NCKAP5: variants seen among roughly 807,000 people sequenced by gnomAD.
NCKAP5 encodes the protein nck-associated protein 5.
A neutral mutation model predicts 167.0 loss-of-function variants in NCKAP5; 92 were observed. The observed-to-expected ratio is 0.55, with a 90% CI of 0.47 to 0.66. The LOEUF (loss-of-function observed/expected upper bound fraction) is 0.66, where lower values mean the gene tolerates loss of function less well. NCKAP5 is among the 30% of genes least tolerant of loss of function. NCKAP5 has a pLI of 0.00. For synonymous variants in NCKAP5, 891 were observed against 877.4 expected (o/e 1.02, Z -0.27); for missense variants, 2,378 against 2,315.0 (o/e 1.03, Z -0.56).
Position 132,784,201 on chromosome 2 carries a change from G to A in NCKAP5, c.2610C>T (p.Ala870=). 6.4e-7 allele frequency: 1 copy of A among 1,565,578 alleles called. No individual in the cohort carries two copies. Among genetic ancestry groups the A allele is most frequent in the South Asian group, 1.2e-5 (1 of 81,712 alleles). The change falls in exon 14 of 20, where the codon GCC becomes GCT. Residue 870 remains alanine, a synonymous_variant. Coordinates refer to ENST00000409261, the MANE Select transcript of NCKAP5 (RefSeq NM_207363.3). The part of the protein sequence containing the change: ...RSDPHIPKHS[A]QLPHSSRMPS... Reference sequence around the variant, plus strand: ...GCATCCTGGAGCTGTGCGGAAGTTGGGCGGAATGTTTTGGAATGTGTGGAT... The same window carrying A: ...GCATCCTGGAGCTGTGCGGAAGTTGAGCGGAATGTTTTGGAATGTGTGGAT...
intron 6 of NCKAP5, among the ~76,000 whole-genome samples, chr2:133,040,585 A>G (rs1405825403): frequency 6.6e-6 from 1 of 152,116 alleles, no homozygotes; most frequent in Non-Finnish European, 1.5e-5. Context: ...TTATATAGGT[A>G]TACAGTTATA....
intron 3 of NCKAP5, among the ~76,000 whole-genome samples, chr2:133,500,285 C>T (rs1472601998): frequency 6.6e-6 from 1 of 152,182 alleles, no homozygotes; most frequent in Non-Finnish European, 1.5e-5. Context: ...AGAAAGTCTA[C>T]CTCAAATCTG....
chr2:133,624,201 C>T, the NCKAP5 span, among the ~76,000 whole-genome samples: 20,194 of 151,952 alleles, frequency 0.13, 1,873 homozygotes, highest in African/African-American at 0.26. Context: ...GGGTGATGGG[C>T]GCACCAAAAT....
intron 3 of NCKAP5, among the ~76,000 whole-genome samples, chr2:133,415,143 C>T (rs2151072441): frequency 6.6e-6 from 1 of 152,332 alleles, no homozygotes; most frequent in South Asian, 2.1e-4. Flanking sequence ...GATGCTGCCT[C>T]AGTTCACACT....
chr2:133,203,621 C>T (rs2085806664), intron 5 of NCKAP5, among the ~76,000 whole-genome samples: 1 of 151,988 alleles, frequency 6.6e-6, no homozygotes, highest in South Asian at 2.1e-4. Context: ...CTCCATGTTT[C>T]CTGGAAGAAT....
At chr2:132,948,890 C>T (rs1170150450) in intron 8 of NCKAP5, among the ~76,000 whole-genome samples, 2 of 152,030 alleles carry the variant, frequency 1.3e-5, no homozygotes, top group Admixed American at 6.6e-5. Flanking sequence ...TGGTGTTTGG[C>T]TGATTCACTA....
chr2:133,524,978 G>A (rs1161022237), intron 2 of NCKAP5, among the ~76,000 whole-genome samples: 3 of 152,104 alleles, frequency 2.0e-5, no homozygotes, highest in Non-Finnish European at 1.5e-5. Context: ...GAGTGTATGT[G>A]TGCATGTGTG....
intron 5 of NCKAP5, among the ~76,000 whole-genome samples, chr2:133,137,403 G>C (rs1000353067): frequency 8.5e-6 from 1 of 117,296 alleles, no homozygotes; most frequent in Admixed American, 8.5e-5. Context: ...GCAGAGCTTG[G>C]TTTTGTGTGT....
intron 10 of NCKAP5, among the ~76,000 whole-genome samples, chr2:132,866,373 A>G (rs773915493): frequency 6.6e-6 from 1 of 152,160 alleles, no homozygotes; most frequent in African/African-American, 2.4e-5. Context: ...TTTAATTCGC[A>G]CTTGTAGACT....
At position 133,149,500 on chromosome 2, in the gene NCKAP5, G is replaced by A. The variant is rs150790057; in HGVS notation, c.208-19389C>T. The stretch of plus-strand genomic sequence containing the variant: ...TCTACTGAGAGCCTCTCATTTGCTC[G>A]TCAAATTGCGCATAACATGCAGGCA... On this transcript the variant is annotated intron_variant, in intron 5 of 19. Transcript: ENST00000409261. Among the ~76,000 whole-genome samples the A allele has an allele frequency of 5.8e-3, 843 of 144,238 alleles. 10 individuals carry two copies. The highest frequency in any genetic ancestry group is 0.021 in the African/African-American group (808 of 38,462). The allele number at this position is 144,238 out of a possible 152,430, so 94.6% of individuals were successfully genotyped here.
intron 8 of NCKAP5, among the ~76,000 whole-genome samples, chr2:132,933,791 G>C (rs1334216515): frequency 3.9e-5 from 6 of 152,098 alleles, no homozygotes; most frequent in African/African-American, 1.4e-4. Flanking sequence ...ATTGTACTGA[G>C]AAGCCAGGAA....
At chr2:132,688,522 C>A (rs1391966974) in intron 19 of NCKAP5, among the ~76,000 whole-genome samples, 1 of 152,082 alleles carries the variant, frequency 6.6e-6, no homozygotes, top group Admixed American at 6.6e-5. Flanking sequence ...TAAAGATAAT[C>A]CTCCAAATTC....
intron 3 of NCKAP5, among the ~76,000 whole-genome samples, chr2:133,475,785 G>A (rs563526238): frequency 6.9e-4 from 105 of 152,262 alleles, no homozygotes; most frequent in Middle Eastern, 3.4e-3. Flanking sequence ...TCTTTCAAGA[G>A]AAAAATGATG....
Position 132,782,882 on chromosome 2 carries a change from T to C in NCKAP5, c.3929A>G (p.Asn1310Ser), listed in dbSNP as rs538437785. Residue 1310 changes from asparagine to serine, a missense_variant, in exon 14 of 20, where the codon AAT becomes AGT. Transcript: ENST00000409261. ...QIITNTAERG[N>S]SLTRQNSSTE... ...GGAAGAGTTCTGCCGGGTAAGAGAA[T>C]TGCCTCTCTCGGCGGTATTGGTAAT... The C allele has an allele frequency of 2.2e-5, 36 of 1,613,894 alleles. No individual in the cohort carries two copies. In the African/African-American group the frequency reaches 4.0e-4, roughly 18 times the overall value.
At chr2:133,087,247 C>T (rs1047857780) in intron 6 of NCKAP5, among the ~76,000 whole-genome samples, 4 of 152,272 alleles carry the variant, frequency 2.6e-5, no homozygotes, top group Admixed American at 1.3e-4. Context: ...ACCTAATGTG[C>T]GACCCCCTGG....
chr2:133,669,951 G>A, the NCKAP5 span, among the ~76,000 whole-genome samples: 1 of 152,180 alleles, frequency 6.6e-6, no homozygotes, highest in African/African-American at 2.4e-5. Flanking sequence ...ACACAAAGTA[G>A]ATTAATGCAA....
chr2:132,738,595 A>G (rs1691740206), intron 16 of NCKAP5, among the ~76,000 whole-genome samples: 1 of 152,212 alleles, frequency 6.6e-6, no homozygotes, highest in Non-Finnish European at 1.5e-5. Flanking sequence ...TTTTAAAGCA[A>G]ATCACTCTGT....
chr2:133,559,733 A>T (rs1688024034), intron 1 of NCKAP5, among the ~76,000 whole-genome samples: 1 of 152,224 alleles, frequency 6.6e-6, no homozygotes. Context: ...ATATCCAAGG[A>T]TAAATGCCAC....
intron 16 of NCKAP5, among the ~76,000 whole-genome samples, chr2:132,769,055 C>T (rs187584198): frequency 6.6e-6 from 1 of 150,568 alleles, no homozygotes; most frequent in African/African-American, 2.4e-5. Context: ...AGCAATTCTA[C>T]TGCTTCAGCA....
Sources: allele counts gnomAD v4.1 joint callset (sites outside exome capture counted in the v4.1 genomes callset), GRCh38; gene constraint gnomAD v4.1.1; transcripts MANE v1.5; gene names NCBI Gene and HGNC (gene_info 2026-07-23, HGNC 2026-07-21).